Variants in VPS54 observed in about 807,000 individuals in gnomAD.
VPS54 encodes vacuolar protein sorting-associated protein 54.
VPS54 carries 45 observed loss-of-function variants against 121.5 expected under a neutral mutation model. The observed-to-expected ratio is 0.37, with a 90% CI of 0.29 to 0.47. The LOEUF is 0.47. Among genes scored for constraint, VPS54 ranks in the 20% least tolerant of loss-of-function variants. The pLI is 0.99. For missense variants in VPS54, 1,090 were observed against 1,131.4 expected, an observed-to-expected ratio of 0.96 and a Z score of 0.52; for synonymous variants, 371 against 385.8, an observed-to-expected ratio of 0.96 and a Z score of 0.45.
At chr2:63,906,704 G>C (rs908894454) in intron 20 of VPS54, among the ~76,000 whole-genome samples, 1 of 152,150 alleles carries the variant, frequency 6.6e-6, no homozygotes, top group African/African-American at 2.4e-5. Flanking sequence ...TGGCTAGCAG[G>C]TGCAATCTGG....
intron 15 of VPS54, among the ~76,000 whole-genome samples, chr2:63,917,370 A>C (rs1673432805): frequency 6.6e-6 from 1 of 152,106 alleles, no homozygotes; most frequent in Non-Finnish European, 1.5e-5. Context: ...GGAAAGGCAG[A>C]ACTAGCATTT....
At position 63,924,745 on chromosome 2, in the gene VPS54, G is replaced by A. The variant is rs569612773; in HGVS notation, c.1740-3410C>T. On this transcript the variant is annotated intron_variant, in intron 12 of 22. Coordinates refer to ENST00000272322, the MANE Select transcript of VPS54 (RefSeq NM_016516.3). ...CTGGTGTAAAGACAGAAAAATGAAC[G>A]AAATAGAGTCCAGAAACAGATACGC... 7.9e-5 allele frequency among the ~76,000 whole-genome samples: 12 copies of A among 152,208 alleles called. No individual in the cohort carries two copies. The South Asian group carries it at 1.0e-3, about 13-fold the overall frequency.
rs200108399 is a variant in VPS54, at chr2:63,983,847, A to G, written c.136+17T>C. ...AGAAATCATCAGTAAAAATCCTACA[A>G]AAAAAAAAAGCATTACCTGTGGGTT... On this transcript the variant is annotated intron_variant, in intron 2 of 22. Coordinates refer to ENST00000272322, the MANE Select transcript of VPS54 (RefSeq NM_016516.3). 13 of 1,498,364 alleles carry G rather than the reference A, an allele frequency of 8.7e-6. No individual in the cohort carries two copies. The East Asian group carries it at 2.3e-4, about 27-fold the overall frequency. The allele number at this position is 1,498,364 out of a possible 1,614,324, so 92.8% of individuals were successfully genotyped here.
At chr2:63,988,184 G>T (rs187805457) in intron 1 of VPS54, among the ~76,000 whole-genome samples, 18 of 152,320 alleles carry the variant, frequency 1.2e-4, no homozygotes, top group African/African-American at 4.3e-4. Flanking sequence ...CTGTTTTGAG[G>T]AATGTTCCTT....
chr2:63,946,178 G>A (rs7579192), intron 9 of VPS54, among the ~76,000 whole-genome samples: 142,739 of 152,232 alleles, frequency 0.94, 67,449 homozygotes, highest in African/African-American at 0.98. Context: ...TTGGCTCCAC[G>A]TTATGTCTAT....
intron 3 of VPS54, among the ~76,000 whole-genome samples, chr2:63,978,623 TTTTTG>T (rs1471701366): frequency 2.6e-4 from 40 of 152,292 alleles, no homozygotes; most frequent in Admixed American, 1.0e-3. Context: ...TTTCTATTTC[TTTTTG>T]TTTTGTTTTT....
At chr2:63,916,850 T>G (rs772038812) in intron 16 of VPS54, 50 bp downstream of exon 16, 2 of 1,568,644 alleles carry the variant, frequency 1.3e-6, no homozygotes, top group South Asian at 2.2e-5. Context: ...ACTAGAAGAC[T>G]TGTGTTTTAA....
intron 20 of VPS54, among the ~76,000 whole-genome samples, chr2:63,906,446 T>C (rs1382123261): frequency 2.6e-5 from 4 of 152,118 alleles, no homozygotes; most frequent in Non-Finnish European, 4.4e-5. Flanking sequence ...AATGAAGAAA[T>C]ACTTATAAAA....
chr2:63,943,728 T>TTTCTC (rs140690754), intron 10 of VPS54, among the ~76,000 whole-genome samples: 2 of 50,266 alleles, frequency 4.0e-5, no homozygotes, highest in South Asian at 5.7e-4. Flanking sequence ...TCTTTCTTTC[T>TTTCTC]TTTTTTTTTT....
intron 1 of VPS54, among the ~76,000 whole-genome samples, chr2:63,986,537 C>T (rs1046869844): frequency 5.3e-5 from 8 of 152,140 alleles, no homozygotes; most frequent in African/African-American, 1.9e-4. Flanking sequence ...TGTTCCAAAT[C>T]GAGGCTATTG....
chr2:64,002,849 C>T (rs760952352), intron 1 of VPS54, among the ~76,000 whole-genome samples: 30 of 152,282 alleles, frequency 2.0e-4, no homozygotes, highest in Non-Finnish European at 3.8e-4. Context: ...AAAGATGAGT[C>T]CCAGTTTCCA....
intron 1 of VPS54, among the ~76,000 whole-genome samples, chr2:64,012,446 G>C (rs1426543980): frequency 1.9e-5 from 2 of 104,612 alleles, no homozygotes; most frequent in African/African-American, 8.0e-5. Flanking sequence ...GGCTCAAAAA[G>C]TAACTGTTTA....
chr2:64,002,847 G>C (rs552338658), intron 1 of VPS54, among the ~76,000 whole-genome samples: 2 of 152,260 alleles, frequency 1.3e-5, no homozygotes, highest in African/African-American at 4.8e-5. Context: ...ATAAAGATGA[G>C]TCCCAGTTTC....
At chr2:63,951,461 G>C (rs11896894) in intron 7 of VPS54, among the ~76,000 whole-genome samples, 11,309 of 152,060 alleles carry the variant, frequency 0.074, 851 homozygotes, top group African/African-American at 0.19. Flanking sequence ...CAATTTACTG[G>C]AGAGAGGAAC....
At chr2:63,930,491 C>G (rs992408120) in intron 12 of VPS54, among the ~76,000 whole-genome samples, 80 of 152,206 alleles carry the variant, frequency 5.3e-4, no homozygotes, top group South Asian at 2.1e-3. Flanking sequence ...TCTCAATAAA[C>G]TAGGTATTGA....
intron 3 of VPS54, among the ~76,000 whole-genome samples, chr2:63,978,232 T>C (rs2104604728): frequency 6.6e-6 from 1 of 152,336 alleles, no homozygotes; most frequent in Non-Finnish European, 1.5e-5. Context: ...TGTTTAGCTT[T>C]TTAAGAAACT....
chr2:63,965,299 A>AC (rs1220170737), intron 6 of VPS54, among the ~76,000 whole-genome samples: 1 of 152,168 alleles, frequency 6.6e-6, no homozygotes, highest in East Asian at 1.9e-4. Context: ...ACATGGTGAA[A>AC]CCCCATCTCT....
chr2:63,947,367 A>T lies in VPS54; in HGVS notation c.1245+16T>A. 1 of 1,526,428 alleles carries T rather than the reference A, an allele frequency of 6.6e-7. No individual in the cohort carries two copies. Among genetic ancestry groups the T allele is most frequent in the South Asian group, 1.2e-5 (1 of 84,108 alleles). The allele number at this position is 1,526,428 out of a possible 1,614,324, so 94.6% of individuals were successfully genotyped here. ...GGTTCCAGACCAAAATATGTCAAAT[A>T]AAAATGCATAATTACCTGTTTAATG... On this transcript the variant is annotated intron_variant, in intron 9 of 22. Coordinates refer to ENST00000272322, the MANE Select transcript of VPS54 (RefSeq NM_016516.3).
chr2:63,979,611 C>T lies in VPS54; in HGVS notation c.378+2035G>A, dbSNP rs796194570. ...ATCATTCTTCTTTCAATAATATATG[C>T]ATTCAGTGCTACAAATTTCTCCCTA... On this transcript the variant is annotated intron_variant, in intron 3 of 22. Coordinates refer to ENST00000272322, the MANE Select transcript of VPS54 (RefSeq NM_016516.3). 3.9e-5 allele frequency among the ~76,000 whole-genome samples: 6 copies of T among 152,258 alleles called. 1 individual carries two copies. Among genetic ancestry groups the T allele is most frequent in the African/African-American group, 1.4e-4 (6 of 41,528 alleles).
Sources: gnomAD v4.1 joint callset for allele counts (sites outside exome capture counted in the v4.1 genomes callset) on GRCh38, gnomAD v4.1.1 for gene constraint, MANE v1.5 for transcripts, NCBI Gene and HGNC (gene_info 2026-07-23, HGNC 2026-07-21) for gene names.